NT5C1B: variants seen among roughly 807,000 people sequenced by gnomAD.
The protein encoded by NT5C1B is cytosolic 5'-nucleotidase 1B.
A neutral mutation model predicts 57.8 loss-of-function variants in NT5C1B; 44 were observed. The ratio of observed to expected loss-of-function variants is 0.76; its 90% CI spans 0.60 to 0.98. NT5C1B has a LOEUF of 0.98. Ranked by LOEUF, NT5C1B falls within the 50% of genes least tolerant of loss-of-function variation. The probability of loss-of-function intolerance (pLI) is 0.00; values close to 1 mark genes in which losing one functional copy is unlikely to be tolerated. For synonymous variants in NT5C1B, 284 were observed against 282.6 expected (o/e 1.00, Z -0.05); for missense variants, 742 against 719.5 (o/e 1.03, Z -0.36).
At chr2:18,576,100 T>G in intron 8 of NT5C1B, 84 bp downstream of exon 8, 1 of 1,367,696 alleles carries the variant, frequency 7.3e-7, no homozygotes. Context: ...AACTTAAACA[T>G]TCATCAGAAT....
chr2:18,583,091 A>G (rs1666325672), intron 5 of NT5C1B, 94 bp from the exon 6 acceptor site: 2 of 1,459,702 alleles, frequency 1.4e-6, no homozygotes. Context: ...GTCAAATTCA[A>G]GCTCTGAAGA....
intron 2 of NT5C1B, 189 bp from the exon 3 acceptor site, chr2:18,586,580 G>C: frequency 1.1e-6 from 1 of 916,222 alleles, no homozygotes; most frequent in Non-Finnish European, 1.6e-6. Context: ...CCTCACTTCT[G>C]TTTGGAGCAT....
intron 2 of NT5C1B, chr2:18,586,693 C>G: frequency 1.7e-6 from 1 of 571,772 alleles, no homozygotes; most frequent in Non-Finnish European, 3.0e-6. Flanking sequence ...CACCATTGTT[C>G]CTCCCTTTTC....
chr2:18,584,701 G>T lies in NT5C1B; in HGVS notation c.536C>A (p.Ser179Tyr). Reference sequence around the variant, plus strand: ...GCTGGAGGACTTCCACTCGGTGGGGGACGTGCGCGAATATTCCAGCGGCTG... The same window carrying T: ...GCTGGAGGACTTCCACTCGGTGGGGTACGTGCGCGAATATTCCAGCGGCTG... The change falls in exon 4 of 9, where the codon TCC becomes TAC. Residue 179 changes from serine (S) to tyrosine (Y), a missense_variant. Coordinates refer to ENST00000304081, the Ensembl canonical transcript of NT5C1B. This position sits in a 1 kb window ranked among gnomAD's most constrained non-coding sequence, Gnocchi z 5.8. 1 of 1,612,498 alleles carries T rather than the reference G, an allele frequency of 6.2e-7. No homozygotes were observed. The highest frequency in any genetic ancestry group is 8.5e-7 in the Non-Finnish European group (1 of 1,179,112).
intron 8 of NT5C1B, among the ~76,000 whole-genome samples, chr2:18,566,455 T>C (rs1664651317): frequency 6.6e-6 from 1 of 152,176 alleles, no homozygotes; most frequent in Non-Finnish European, 1.5e-5. Context: ...TAAGAGGCCA[T>C]ACATATAGGT....
intron 2 of NT5C1B, chr2:18,587,013 T>G: frequency 6.2e-7 from 1 of 1,614,248 alleles, no homozygotes; most frequent in Non-Finnish European, 8.5e-7. Context: ...GGTGATCTGC[T>G]GGCCCTGCTC....
intron 6 of NT5C1B, among the ~76,000 whole-genome samples, chr2:18,577,782 GA>G (rs1417617797): frequency 6.6e-6 from 1 of 151,332 alleles, no homozygotes; most frequent in Non-Finnish European, 1.5e-5. Flanking sequence ...GAATGAAATT[GA>G]GATGGGAAAA....
chr2:18,574,212 T>C (rs1665463103), intron 8 of NT5C1B, among the ~76,000 whole-genome samples: 1 of 152,016 alleles, frequency 6.6e-6, no homozygotes. Context: ...AATGGGTATA[T>C]GAAAAGGTAC....
In NT5C1B at chr2:18,586,833, G is replaced by C. The variant is rs1397823245; in HGVS notation, c.121-442C>G. The C allele has an allele frequency of 2.1e-5, 28 of 1,330,120 alleles. No individual in the cohort carries two copies. In the East Asian group the frequency reaches 6.9e-4, roughly 33 times the overall value. 82.4% of individuals were successfully genotyped at this position (1,330,120 alleles called of 1,614,324 possible). A position where few individuals can be genotyped will look rare whatever the true frequency, so the allele number is the denominator to read the frequency against. ...GTTGCAGGGGGACTCTAAGGCAGCT[G>C]CTGAAAAGGAATGGAGCCCTCAAGC... On this transcript the variant is annotated intron_variant, in intron 2 of 8. Transcript: ENST00000304081.
intron 5 of NT5C1B, chr2:18,583,376 G>A: frequency 5.6e-6 from 1 of 179,776 alleles, no homozygotes; most frequent in Admixed American, 5.5e-5. Context: ...GAAAAATATG[G>A]ACTGCTTCAT....
At position 18,580,064 on chromosome 2, in the gene NT5C1B, C is replaced by G. The variant is rs543837743; in HGVS notation, c.1021+2804G>C. ...AACCTCACTAATCATTAGAGAAAAT[C>G]AAATCAAAACCACAATGAGATTATC... On this transcript the variant is annotated intron_variant, in intron 6 of 8. Coordinates refer to ENST00000304081, the Ensembl canonical transcript of NT5C1B. 3.6e-4 allele frequency among the ~76,000 whole-genome samples: 55 copies of G among 152,136 alleles called. No homozygotes were observed. In the South Asian group the frequency reaches 4.0e-3, roughly 11 times the overall value.
intron 8 of NT5C1B, among the ~76,000 whole-genome samples, chr2:18,571,543 T>C (rs1665152146): frequency 6.6e-6 from 1 of 151,432 alleles, no homozygotes. Flanking sequence ...ACCATGTCCA[T>C]GGACAGAAAG....
chr2:18,579,585 A>G (rs1572355063), intron 6 of NT5C1B, among the ~76,000 whole-genome samples: 1 of 152,210 alleles, frequency 6.6e-6, no homozygotes, highest in Non-Finnish European at 1.5e-5. Context: ...CTGGCTAGCT[A>G]TATGCCAAAG....
chr2:18,588,075 A>G (rs1666885374), intron 1 of NT5C1B, among the ~76,000 whole-genome samples: 1 of 152,194 alleles, frequency 6.6e-6, no homozygotes. Flanking sequence ...TAAGGACCTT[A>G]ATCTCATACA....
At chr2:18,577,161 G>A (rs1665761528) in intron 6 of NT5C1B, among the ~76,000 whole-genome samples, 1 of 152,050 alleles carries the variant, frequency 6.6e-6, no homozygotes, top group South Asian at 2.1e-4. Flanking sequence ...CATAGATCAT[G>A]CCATTTTATT....
intron 3 of NT5C1B, 41 bp from the exon 4 acceptor site, chr2:18,585,019 G>T: frequency 6.3e-7 from 1 of 1,582,968 alleles, no homozygotes; most frequent in East Asian, 2.2e-5. Flanking sequence ...AGGCCTGCCT[G>T]CCCATCTCCG....
chr2:18,587,741 TC>T (rs1343856308), intron 1 of NT5C1B, 149 bp from the exon 2 acceptor site: 3 of 751,698 alleles, frequency 4.0e-6, no homozygotes, highest in Non-Finnish European at 6.0e-6. Context: ...TTTCCCCTGT[TC>T]TAACAAGCAT....
At chr2:18,564,000 A>G (rs1481496091) in exon 9 of NT5C1B, 1 of 1,614,156 alleles carries the variant, frequency 6.2e-7, no homozygotes, top group South Asian at 1.1e-5. Flanking sequence ...GGGCGCCTGA[A>G]CTGGCTGCAC....
At chr2:18,589,118 C>G (rs1417551648) in intron 1 of NT5C1B, among the ~76,000 whole-genome samples, 1 of 152,208 alleles carries the variant, frequency 6.6e-6, no homozygotes, top group African/African-American at 2.4e-5. Flanking sequence ...GCCATGCATT[C>G]TTCAAAGACA....
Sources: gnomAD v4.1 joint callset for allele counts (sites outside exome capture counted in the v4.1 genomes callset) on GRCh38, gnomAD v4.1.1 for gene constraint, Gnocchi (gnomAD v3.1) non-coding constraint, MANE v1.5 for transcripts, NCBI Gene and HGNC (gene_info 2026-07-23, HGNC 2026-07-21) for gene names.